Variants in AGFG1 observed in about 807,000 individuals in gnomAD.
AGFG1 encodes the protein ArfGAP with FG repeats 1, also known as arf-GAP domain and FG repeat-containing protein 1.
Under a neutral mutation model 60.6 loss-of-function variants are expected in AGFG1, and 10 were observed. The observed-to-expected ratio is 0.16, with a 90% CI of 0.10 to 0.28. AGFG1 has a LOEUF of 0.28. AGFG1 is among the 10% of genes least tolerant of loss of function. The pLI is 1.00. For missense variants in AGFG1, 537 were observed against 676.5 expected (o/e 0.79, Z 2.29); for synonymous variants, 247 against 242.9 (o/e 1.02, Z -0.16).
At chr2:227,511,016 T>G (rs1221699747) in intron 2 of AGFG1, among the ~76,000 whole-genome samples, 5 of 152,226 alleles carry the variant, frequency 3.3e-5, no homozygotes, top group Admixed American at 3.3e-4. Flanking sequence ...AAAACAAGTG[T>G]TAAATACCTA....
chr2:227,486,157 G>A (rs1474575929), intron 1 of AGFG1, among the ~76,000 whole-genome samples: 1 of 152,140 alleles, frequency 6.6e-6, no homozygotes, highest in East Asian at 1.9e-4. Context: ...TCTCGCCTTG[G>A]CTATTGTTGG....
chr2:227,521,857 T>C (rs759213382), intron 3 of AGFG1, among the ~76,000 whole-genome samples: 56 of 152,336 alleles, frequency 3.7e-4, no homozygotes, highest in Admixed American at 8.5e-4. Flanking sequence ...AATTACAGTT[T>C]ATGTTATTTT....
At chr2:227,546,404 G>T (rs1692648605) in intron 10 of AGFG1, among the ~76,000 whole-genome samples, 2 of 152,252 alleles carry the variant, frequency 1.3e-5, no homozygotes, top group Admixed American at 6.5e-5. Flanking sequence ...GCTTCTGTTG[G>T]CTAGGAAAGG....
At chr2:227,534,779 A>T in intron 7 of AGFG1, 66 bp from the exon 8 acceptor site, 1 of 1,551,882 alleles carries the variant, frequency 6.4e-7, no homozygotes, top group Non-Finnish European at 8.8e-7. Context: ...TTCATGGCAA[A>T]TGTGGTTGAT....
chr2:227,525,047 C>T, intron 5 of AGFG1, 132 bp downstream of exon 5: 1 of 1,002,016 alleles, frequency 1.0e-6, no homozygotes, highest in Non-Finnish European at 1.5e-6. Flanking sequence ...AACTGTTGAG[C>T]TGTAATATGT....
At chr2:227,473,294 G>A (rs888829074) in intron 1 of AGFG1, among the ~76,000 whole-genome samples, 1 of 152,160 alleles carries the variant, frequency 6.6e-6, no homozygotes, top group Non-Finnish European at 1.5e-5. Flanking sequence ...TGAAGCTGTG[G>A]GATTTTAGTT....
At chr2:227,550,551 C>T (rs887418045) in intron 10 of AGFG1, among the ~76,000 whole-genome samples, 11 of 152,146 alleles carry the variant, frequency 7.2e-5, no homozygotes, top group African/African-American at 2.7e-4. Flanking sequence ...TTATGAAGCC[C>T]TCCTGTTACC....
chr2:227,485,947 C>T (rs781161838), intron 1 of AGFG1, among the ~76,000 whole-genome samples: 19 of 151,982 alleles, frequency 1.3e-4, no homozygotes, highest in African/African-American at 3.1e-4. Context: ...CATTTTTGTG[C>T]GATAATTTTT....
chr2:227,496,162 G>C (rs959885871), intron 2 of AGFG1, among the ~76,000 whole-genome samples: 1 of 150,710 alleles, frequency 6.6e-6, no homozygotes, highest in Non-Finnish European at 1.5e-5. Context: ...TGCTCCACAG[G>C]CATGGTCTAT....
intron 10 of AGFG1, among the ~76,000 whole-genome samples, chr2:227,544,826 C>A (rs1692596540): frequency 1.3e-5 from 2 of 152,110 alleles, no homozygotes; most frequent in Non-Finnish European, 2.9e-5. Context: ...CTGAGAGATC[C>A]CCTGTTAGTC....
intron 2 of AGFG1, among the ~76,000 whole-genome samples, chr2:227,506,509 C>G (rs1477602055): frequency 8.2e-6 from 1 of 121,960 alleles, no homozygotes; most frequent in Non-Finnish European, 1.6e-5. Context: ...TTGTGTATTT[C>G]TGTTTGAGTT....
intron 5 of AGFG1, among the ~76,000 whole-genome samples, chr2:227,527,184 TATC>T (rs1692020020): frequency 6.6e-6 from 1 of 152,234 alleles, no homozygotes; most frequent in South Asian, 2.1e-4. Flanking sequence ...TCTTGCTTAT[TATC>T]TGTGTAACTT....
chr2:227,502,424 G>C (rs1264492679), intron 2 of AGFG1, among the ~76,000 whole-genome samples: 2 of 152,052 alleles, frequency 1.3e-5, no homozygotes, highest in Non-Finnish European at 2.9e-5. Flanking sequence ...GGGTTCAGTT[G>C]GTTCTTGTGC....
intron 2 of AGFG1, among the ~76,000 whole-genome samples, chr2:227,517,955 A>G (rs1482828875): frequency 2.0e-5 from 3 of 152,198 alleles, no homozygotes; most frequent in East Asian, 3.8e-4. Flanking sequence ...ACAAGATAGC[A>G]TATATTTTCA....
chr2:227,553,618 G>T, intron 11 of AGFG1, 86 bp from the exon 12 acceptor site: 1 of 1,084,958 alleles, frequency 9.2e-7, no homozygotes. Flanking sequence ...TGGTAGGAAT[G>T]TCTCTGAAAG....
At chr2:227,505,791 T>G (rs1158105870) in intron 2 of AGFG1, among the ~76,000 whole-genome samples, 1 of 152,148 alleles carries the variant, frequency 6.6e-6, no homozygotes, top group Non-Finnish European at 1.5e-5. Context: ...CAGGCTGGAG[T>G]GCAGTGGCAC....
chr2:227,474,788 C>T (rs1199745010), intron 1 of AGFG1, among the ~76,000 whole-genome samples: 1 of 152,198 alleles, frequency 6.6e-6, no homozygotes, highest in Non-Finnish European at 1.5e-5. Flanking sequence ...AGATCAAGTA[C>T]TTATGAGCTA....
chr2:227,509,879 A>G (rs751632528), intron 2 of AGFG1, among the ~76,000 whole-genome samples: 5 of 152,220 alleles, frequency 3.3e-5, no homozygotes, highest in Non-Finnish European at 5.9e-5. Context: ...ACTGAAAGCA[A>G]TGGAAGAAGT....
In AGFG1 at chr2:227,519,921, CAT is replaced by C. The variant is rs751398868; in HGVS notation, c.262-22_262-21del. ...CATTAAGTGAAGATGTTGAATTTAA[CAT>C]ATATTTTTTTAATTCTTTCCAAAGG... is the stretch of plus-strand genomic sequence containing the variant. On this transcript the variant is annotated intron_variant, in intron 2 of 12. Coordinates refer to ENST00000310078, the MANE Select transcript of AGFG1 (RefSeq NM_004504.5). The C allele has an allele frequency of 1.5e-5, 20 of 1,352,716 alleles. No homozygotes were observed. In the Middle Eastern group the frequency reaches 9.7e-4, roughly 66 times the overall value. The allele number at this position is 1,352,716 out of a possible 1,614,324, so 83.8% of individuals were successfully genotyped here.
Sources: gnomAD v4.1 joint callset for allele counts (sites outside exome capture counted in the v4.1 genomes callset) on GRCh38, gnomAD v4.1.1 for gene constraint, MANE v1.5 for transcripts, NCBI Gene and HGNC (gene_info 2026-07-23, HGNC 2026-07-21) for gene names.